Variants in ST8SIA6 observed in about 807,000 individuals in gnomAD.
ST8SIA6 encodes ST8 alpha-N-acetyl-neuraminide alpha-2,8-sialyltransferase 6.
Under a neutral mutation model 33.6 loss-of-function variants are expected in ST8SIA6, and 39 were observed. The observed-to-expected ratio is 1.16, with a 90% CI of 0.90 to 1.52. The LOEUF is 1.52. Ranked by LOEUF, ST8SIA6 falls within the 40% of genes most tolerant of loss-of-function variation. The pLI is 0.00. For missense variants in ST8SIA6, 441 were observed against 443.8 expected, an observed-to-expected ratio of 0.99 and a Z score of 0.06; for synonymous variants, 172 against 167.2, an observed-to-expected ratio of 1.03 and a Z score of -0.22.
chr10:17,323,600 G>C (rs112469947), intron 6 of ST8SIA6, among the ~76,000 whole-genome samples: 2,079 of 151,978 alleles, frequency 0.014, 23 homozygotes, highest in Non-Finnish European at 0.022. Flanking sequence ...GGCCAGGCTT[G>C]TCTTGAACCC....
chr10:17,411,482 C>G (rs1189175304), intron 2 of ST8SIA6, among the ~76,000 whole-genome samples: 1 of 152,094 alleles, frequency 6.6e-6, no homozygotes, highest in Non-Finnish European at 1.5e-5. Flanking sequence ...TGCACCTGGC[C>G]CAGACTTGAA....
At chr10:17,334,551 A>AATT (rs139518760) in intron 4 of ST8SIA6, among the ~76,000 whole-genome samples, 15 of 142,778 alleles carry the variant, frequency 1.1e-4, no homozygotes, top group East Asian at 4.0e-4. Flanking sequence ...AAAAAAAAAA[A>AATT]ATTATTATTA....
intron 2 of ST8SIA6, among the ~76,000 whole-genome samples, chr10:17,450,979 C>A (rs748030882): frequency 6.6e-6 from 1 of 152,182 alleles, no homozygotes; most frequent in Non-Finnish European, 1.5e-5. Flanking sequence ...ATTCTGGATT[C>A]TCCTGGCCTG....
intron 3 of ST8SIA6, among the ~76,000 whole-genome samples, chr10:17,365,385 C>T (rs953132787): frequency 3.3e-5 from 5 of 152,108 alleles, no homozygotes; most frequent in African/African-American, 1.2e-4. Context: ...AGTAGTTCCC[C>T]CTTACATATG....
At chr10:17,439,800 C>T (rs548260318) in intron 2 of ST8SIA6, among the ~76,000 whole-genome samples, 13 of 152,198 alleles carry the variant, frequency 8.5e-5, no homozygotes, top group Non-Finnish European at 1.5e-4. Flanking sequence ...GGAATCACTA[C>T]AAGGCATGCT....
intron 3 of ST8SIA6, among the ~76,000 whole-genome samples, chr10:17,365,844 C>G (rs187813109): frequency 5.3e-5 from 8 of 152,292 alleles, no homozygotes; most frequent in African/African-American, 1.9e-4. Context: ...GACATCTCTT[C>G]ATGGTGAAAG....
At chr10:17,367,248 G>C (rs1389992093) in intron 3 of ST8SIA6, among the ~76,000 whole-genome samples, 1 of 152,128 alleles carries the variant, frequency 6.6e-6, no homozygotes, top group African/African-American at 2.4e-5. Flanking sequence ...GGCTGGGGAG[G>C]CCTCACAAAC....
intron 3 of ST8SIA6, among the ~76,000 whole-genome samples, chr10:17,381,806 T>G (rs1850161467): frequency 6.6e-6 from 1 of 152,248 alleles, no homozygotes; most frequent in Admixed American, 6.5e-5. Context: ...TAGCTGTATC[T>G]CAAATTTAGT....
intron 2 of ST8SIA6, among the ~76,000 whole-genome samples, chr10:17,404,435 C>A (rs1462290766): frequency 6.6e-6 from 1 of 152,114 alleles, no homozygotes; most frequent in Non-Finnish European, 1.5e-5. Flanking sequence ...TGGGAGCTGA[C>A]AAAGATGTTC....
At chr10:17,327,591 C>T (rs1313867461) in intron 5 of ST8SIA6, among the ~76,000 whole-genome samples, 1 of 147,960 alleles carries the variant, frequency 6.8e-6, no homozygotes, top group Non-Finnish European at 1.5e-5. Context: ...GTCTCCAAAA[C>T]AAAACAAAAC....
intron 2 of ST8SIA6, among the ~76,000 whole-genome samples, chr10:17,413,103 G>A (rs1018228918): frequency 1.3e-5 from 2 of 152,088 alleles, no homozygotes; most frequent in African/African-American, 2.4e-5. Context: ...CTAGCATTTT[G>A]TTATCTAAAA....
In ST8SIA6 at chr10:17,371,792, AAAAAAAAAAAAG is replaced by A. The variant is rs1325277670; in HGVS notation, c.291-12204_291-12193del. ...CAGAGCAAGACTCCATTAAAAAAAA[AAAAAAAAAAAAG>A]AAAGAAAGTAAAAAATGAGAAGGGA... is the stretch of plus-strand genomic sequence containing the variant. On this transcript the variant is annotated intron_variant, in intron 3 of 7. Transcript: ENST00000377602. Among the ~76,000 whole-genome samples, 1,100 of 147,244 alleles carry A rather than the reference AAAAAAAAAAAAG, an allele frequency of 7.5e-3. 14 individuals carry two copies. The highest frequency in any genetic ancestry group is 0.026 in the African/African-American group (1,037 of 40,040).
chr10:17,317,920 A>T lies in ST8SIA6; in HGVS notation c.*2958T>A, dbSNP rs571245923. 1.4e-3 allele frequency among the ~76,000 whole-genome samples: 214 copies of T among 152,338 alleles called. No homozygotes were observed. Among genetic ancestry groups the T allele is most frequent in the Admixed American group, 2.7e-3 (41 of 15,294 alleles). On this transcript the variant is annotated 3_prime_UTR_variant, in exon 8 of 8. Transcript: ENST00000377602. ...TCATTGCCTTTTGTTCCAAGGGAAA[A>T]GCACCAGAGACTTCAAGGATGTTCG...
chr10:17,428,736 A>T (rs1250738961), intron 2 of ST8SIA6, among the ~76,000 whole-genome samples: 1 of 152,172 alleles, frequency 6.6e-6, no homozygotes, highest in Non-Finnish European at 1.5e-5. Flanking sequence ...AGGAAGGTGA[A>T]GAGCAGTGCC....
intron 2 of ST8SIA6, among the ~76,000 whole-genome samples, chr10:17,413,072 G>C (rs1190314369): frequency 6.6e-6 from 1 of 152,178 alleles, no homozygotes; most frequent in East Asian, 1.9e-4. Flanking sequence ...AGGAGAATTT[G>C]AGATCAGTGT....
chr10:17,420,874 G>T (rs936046449), intron 2 of ST8SIA6, among the ~76,000 whole-genome samples: 5 of 152,224 alleles, frequency 3.3e-5, no homozygotes, highest in Non-Finnish European at 7.3e-5. Context: ...GTGGCGGAAG[G>T]CAAAGGGAAA....
chr10:17,432,351 G>A (rs1294124878), intron 2 of ST8SIA6, among the ~76,000 whole-genome samples: 2 of 152,150 alleles, frequency 1.3e-5, no homozygotes, highest in Non-Finnish European at 1.5e-5. Flanking sequence ...ATAGATTCTG[G>A]AAGGGGACAC....
At chr10:17,359,668 G>A (rs1849320534) in intron 3 of ST8SIA6, 68 bp from the exon 4 acceptor site, 1 of 930,568 alleles carries the variant, frequency 1.1e-6, no homozygotes, top group African/African-American at 1.7e-5. Context: ...AGAAGATACT[G>A]TTATAATCTA....
intron 2 of ST8SIA6, among the ~76,000 whole-genome samples, chr10:17,396,960 T>G (rs2131672078): frequency 6.6e-6 from 1 of 152,340 alleles, no homozygotes; most frequent in East Asian, 1.9e-4. Context: ...TCTCTTCTTG[T>G]CCTTTGACCT....
Sources: allele counts gnomAD v4.1 joint callset (sites outside exome capture counted in the v4.1 genomes callset), GRCh38; gene constraint gnomAD v4.1.1; transcripts MANE v1.5; gene names NCBI Gene and HGNC (gene_info 2026-07-23, HGNC 2026-07-21).